The following CWH43 variants were observed in gnomAD, a reference collection of about 807,000 sequenced individuals.
CWH43 encodes the protein cell wall biogenesis 43 C-terminal homolog, also known as PGAP2-interacting protein.
Under a neutral mutation model 85.7 loss-of-function variants are expected in CWH43, and 91 were observed. That is an observed-to-expected ratio of 1.06 (90% confidence interval 0.90 to 1.26). CWH43 has a LOEUF of 1.26. CWH43 is among the 50% of genes most tolerant of loss of function. The pLI is 0.00. For missense variants in CWH43, 869 were observed against 839.2 expected, an observed-to-expected ratio of 1.04 and a Z score of -0.44; for synonymous variants, 323 against 293.6, an observed-to-expected ratio of 1.10 and a Z score of -1.02.
At chr4:49,046,391 G>T (rs1053505196) in intron 14 of CWH43, among the ~76,000 whole-genome samples, 1 of 151,922 alleles carries the variant, frequency 6.6e-6, no homozygotes, top group African/African-American at 2.4e-5. Flanking sequence ...TGTTGTTCTC[G>T]GGAGTGGGAA....
At chr4:49,049,830 T>C (rs1402947361) in intron 14 of CWH43, among the ~76,000 whole-genome samples, 1 of 152,166 alleles carries the variant, frequency 6.6e-6, no homozygotes, top group Admixed American at 6.6e-5. Flanking sequence ...CAACCTCTCC[T>C]ACTCATCACT....
intron 13 of CWH43, among the ~76,000 whole-genome samples, chr4:49,039,335 T>TATATATA (rs1560509180): frequency 4.4e-3 from 23 of 5,208 alleles, no homozygotes; most frequent in Admixed American, 8.1e-3. Flanking sequence ...ATATATATAC[T>TATATATA]GATGTATATA....
At position 49,044,553 on chromosome 4, in the gene CWH43, C is replaced by A. The variant is rs78721146; in HGVS notation, c.1804-233C>A. Among the ~76,000 whole-genome samples the A allele has an allele frequency of 7.0e-4, 107 of 152,284 alleles. 1 individual carries two copies. In the East Asian group the frequency reaches 0.016, roughly 22 times the overall value. The stretch of plus-strand genomic sequence containing the variant: ...TCTGAGTCACTCTCCAGACCTCCTT[C>A]CTCTTTGTTTTCTTAGCATGTGGTA... On this transcript the variant is annotated intron_variant, in intron 13 of 15. Coordinates refer to ENST00000226432, the MANE Select transcript of CWH43 (RefSeq NM_025087.3).
At position 49,017,469 on chromosome 4, in the gene CWH43, A is replaced by T. The variant is rs539517465; in HGVS notation, c.1266+141A>T. 3 of 555,258 alleles carry T rather than the reference A, an allele frequency of 5.4e-6. No homozygotes were observed. The South Asian group carries it at 1.0e-4, about 19-fold the overall frequency. The allele number at this position is 555,258 out of a possible 1,614,324, so 34.4% of individuals were successfully genotyped here. A position where few individuals can be genotyped will look rare whatever the true frequency, so the allele number is the denominator to read the frequency against. Reference sequence around the variant, plus strand: ...TATCTCCTTAACCCTTATGTGCCAGACTGATAAGATAGTGGGATTATTTTA... The same window carrying T: ...TATCTCCTTAACCCTTATGTGCCAGTCTGATAAGATAGTGGGATTATTTTA... On this transcript the variant is annotated intron_variant, in intron 9 of 15. Coordinates refer to ENST00000226432, the MANE Select transcript of CWH43 (RefSeq NM_025087.3).
At chr4:49,019,179 T>C (rs989040798) in intron 9 of CWH43, among the ~76,000 whole-genome samples, 3 of 152,306 alleles carry the variant, frequency 2.0e-5, no homozygotes, top group East Asian at 1.9e-4. Flanking sequence ...GGGAGAATTA[T>C]AGTATTTAGA....
intron 13 of CWH43, among the ~76,000 whole-genome samples, chr4:49,041,374 G>A (rs1233290591): frequency 2.0e-5 from 3 of 152,184 alleles, no homozygotes; most frequent in Non-Finnish European, 2.9e-5. Context: ...TCCTACCCAT[G>A]AGCATGGAAT....
At chr4:49,012,348 C>T (rs1163536721) in intron 8 of CWH43, among the ~76,000 whole-genome samples, 8 of 152,162 alleles carry the variant, frequency 5.3e-5, no homozygotes, top group Admixed American at 1.3e-4. Flanking sequence ...CTTCTCTACA[C>T]GTTTATTCTA....
intron 9 of CWH43, among the ~76,000 whole-genome samples, chr4:49,023,618 C>T (rs531852294): frequency 6.6e-6 from 1 of 152,274 alleles, no homozygotes; most frequent in East Asian, 1.9e-4. Context: ...CTCAGGTGAT[C>T]CACCTGCCTT....
chr4:49,026,587 C>G (rs763728395), intron 9 of CWH43, among the ~76,000 whole-genome samples: 1 of 152,006 alleles, frequency 6.6e-6, no homozygotes, highest in African/African-American at 2.4e-5. Flanking sequence ...TAACTCATGC[C>G]TTTGCATCCT....
intron 1 of CWH43, 156 bp downstream of exon 1, chr4:48,986,628 C>A: frequency 6.9e-7 from 1 of 1,445,718 alleles, no homozygotes; most frequent in South Asian, 1.4e-5. Flanking sequence ...GGAACTTTTC[C>A]TACTGAAGGG....
intron 8 of CWH43, among the ~76,000 whole-genome samples, chr4:49,012,292 G>C (rs575569600): frequency 2.0e-5 from 3 of 152,096 alleles, no homozygotes. Flanking sequence ...CATGAATCAC[G>C]AAGTTCTTGT....
intron 14 of CWH43, 99 bp from the exon 15 acceptor site, chr4:49,050,595 G>T (rs917450849): frequency 2.2e-6 from 2 of 901,236 alleles, no homozygotes; most frequent in African/African-American, 1.7e-5. Flanking sequence ...AGAGTTAGAA[G>T]TGGGAAACTG....
intron 2 of CWH43, 49 bp downstream of exon 2, chr4:48,988,717 C>A: frequency 8.3e-7 from 1 of 1,209,598 alleles, no homozygotes; most frequent in Non-Finnish European, 1.1e-6. Context: ...AGTTAAAAAT[C>A]AAGTGAGATT....
At position 49,049,634 on chromosome 4, in the gene CWH43, T is replaced by C. The variant is rs575660513; in HGVS notation, c.1866-1060T>C. ...TTCCCTCTTATGCACTTCACTCCGG[T>C]CATGGTGGAGTTGGCCCGCAAAACA... On this transcript the variant is annotated intron_variant, in intron 14 of 15. Coordinates refer to ENST00000226432, the MANE Select transcript of CWH43 (RefSeq NM_025087.3). Among the ~76,000 whole-genome samples the C allele has an allele frequency of 4.6e-5, 7 of 152,240 alleles. No individual in the cohort carries two copies. In the South Asian group the frequency reaches 1.5e-3, roughly 32 times the overall value.
chr4:48,998,654 T>C (rs1782894499), intron 6 of CWH43, 106 bp downstream of exon 6: 2 of 825,424 alleles, frequency 2.4e-6, no homozygotes, highest in Non-Finnish European at 2.1e-6. Context: ...TACAAATATG[T>C]ACTGTGGCCA....
intron 6 of CWH43, among the ~76,000 whole-genome samples, chr4:49,002,736 T>C (rs1186420464): frequency 6.6e-6 from 1 of 152,148 alleles, no homozygotes; most frequent in African/African-American, 2.4e-5. Context: ...ATCTGAGAGA[T>C]GTTCTTTTTG....
chr4:48,988,962 C>T lies in CWH43; in HGVS notation c.235+294C>T, dbSNP rs550015935. 3.3e-4 allele frequency among the ~76,000 whole-genome samples: 50 copies of T among 152,116 alleles called. No individual in the cohort carries two copies. The South Asian group carries it at 0.01, about 31-fold the overall frequency. On this transcript the variant is annotated intron_variant, in intron 2 of 15. Transcript: ENST00000226432. ...CTTGAATACATTGTGTTTTTCTTTC[C>T]AACTGTGACATAACACTCAGGAGCC...
Position 48,992,044 on chromosome 4 carries a change from G to A in CWH43, c.465G>A (p.Val155=), listed in dbSNP as rs201664375. The change falls in exon 4 of 16, where the codon GTG becomes GTA. Residue 155 remains valine, a synonymous_variant. Transcript: ENST00000226432. The surrounding 1 kb of genome is among the most constrained non-coding windows in gnomAD (Gnocchi z 4.3). ...GGAGTTATCAGATGTCCAACAAAGT[G>A]ATACTGACATTAAGTGCCATAGCCA... The part of the protein sequence containing the change: ...PIWSYQMSNK[V]ILTLSAIATL... 174 of 1,614,014 alleles carry A rather than the reference G, an allele frequency of 1.1e-4. 1 individual carries two copies. The East Asian group carries it at 3.6e-3, about 33-fold the overall frequency.
intron 8 of CWH43, among the ~76,000 whole-genome samples, chr4:49,008,062 GGT>G: frequency 6.6e-6 from 1 of 152,192 alleles, no homozygotes; most frequent in African/African-American, 2.4e-5. Context: ...TTTCCACAAT[GGT>G]TGAACTTATT....
Sources: allele counts gnomAD v4.1 joint callset (sites outside exome capture counted in the v4.1 genomes callset), GRCh38; gene constraint gnomAD v4.1.1; non-coding constraint Gnocchi (gnomAD v3.1); transcripts MANE v1.5; gene names NCBI Gene and HGNC (gene_info 2026-07-23, HGNC 2026-07-21).